The following PPP2R2C variants were observed in gnomAD, a reference collection of about 807,000 sequenced individuals.
PPP2R2C encodes protein phosphatase 2 regulatory subunit Bgamma, also known as protein phosphatase 2, regulatory subunit B, gamma.
Under a neutral mutation model 45.3 loss-of-function variants are expected in PPP2R2C, and 10 were observed. That is an observed-to-expected ratio of 0.22 (90% CI 0.14 to 0.37). PPP2R2C has a LOEUF of 0.37. Ranked by LOEUF, PPP2R2C falls within the 10% of genes least tolerant of loss-of-function variation. The pLI, the probability that PPP2R2C is intolerant of heterozygous loss-of-function variation, is 1.00. For missense variants in PPP2R2C, 308 were observed against 619.7 expected (o/e 0.50, Z 5.34); for synonymous variants, 257 against 245.4 (o/e 1.05, Z -0.44).
chr4:6,374,062 T>A (rs1341858215), intron 4 of PPP2R2C, among the ~76,000 whole-genome samples: 1 of 152,072 alleles, frequency 6.6e-6, no homozygotes, highest in Non-Finnish European at 1.5e-5. Context: ...TCCCTGCACG[T>A]ATTCCTGTGT....
At chr4:6,346,384 AC>A (rs530733346) in intron 6 of PPP2R2C, among the ~76,000 whole-genome samples, 117 of 151,020 alleles carry the variant, frequency 7.7e-4, no homozygotes, top group South Asian at 3.4e-3. Context: ...GGCACCACCC[AC>A]CCCCTCAGGG....
At chr4:6,462,043 A>G (rs2108758526) in intron 1 of PPP2R2C, among the ~76,000 whole-genome samples, 1 of 152,352 alleles carries the variant, frequency 6.6e-6, no homozygotes, top group East Asian at 1.9e-4. Flanking sequence ...CTGGCTGGAC[A>G]ACTTGCCCAA....
At chr4:6,498,281 T>G (rs1722935833) in intron 2 of PPP2R2C, among the ~76,000 whole-genome samples, 1 of 152,190 alleles carries the variant, frequency 6.6e-6, no homozygotes, top group Admixed American at 6.5e-5. Flanking sequence ...CACTAGATGG[T>G]TTAAGCCTAT....
chr4:6,376,571 A>T (rs1715319889), intron 3 of PPP2R2C, among the ~76,000 whole-genome samples: 1 of 151,760 alleles, frequency 6.6e-6, no homozygotes, highest in South Asian at 2.1e-4. Context: ...CTTCAATCTC[A>T]GCCTCCTGAG....
chr4:6,429,173 C>T (rs533146774), intron 1 of PPP2R2C, among the ~76,000 whole-genome samples: 1 of 152,298 alleles, frequency 6.6e-6, no homozygotes, highest in East Asian at 1.9e-4. Flanking sequence ...CAAGTTTTGC[C>T]CATGGGCTGT....
intron 1 of PPP2R2C, among the ~76,000 whole-genome samples, chr4:6,456,462 T>C (rs1220478021): frequency 6.6e-6 from 1 of 152,218 alleles, no homozygotes; most frequent in African/African-American, 2.4e-5. Context: ...ATTATCATGA[T>C]GGATTATATT....
chr4:6,520,549 G>A (rs1330808427), intron 2 of PPP2R2C, among the ~76,000 whole-genome samples: 2 of 152,208 alleles, frequency 1.3e-5, no homozygotes, highest in African/African-American at 4.8e-5. Context: ...CATCCCCAGG[G>A]CACAAAGCAC....
chr4:6,555,986 C>A (rs1036524522), intron 1 of PPP2R2C, among the ~76,000 whole-genome samples: 4 of 152,128 alleles, frequency 2.6e-5, no homozygotes, highest in Non-Finnish European at 5.9e-5. Context: ...TGTGTGTGAG[C>A]CCAAGAGTGA....
chr4:6,511,378 ATGGTGGTGATGGTGATGGTGGTGATGG>A (rs1723459665), intron 2 of PPP2R2C, among the ~76,000 whole-genome samples: 2 of 136,128 alleles, frequency 1.5e-5, no homozygotes, highest in Admixed American at 8.0e-5. Flanking sequence ...GGTGGCGGTG[ATGGTGGTGATGGTGATGGTGGTGATGG>A]TGGTGGTGAC....
chr4:6,332,468 GGAGCGT>G lies in PPP2R2C; in HGVS notation c.960+1088_960+1093del, dbSNP rs1188295279. 6.6e-6 allele frequency among the ~76,000 whole-genome samples: 1 copy of G among 152,180 alleles called. No homozygotes were observed. Among genetic ancestry groups the G allele is most frequent in the Non-Finnish European group, 1.5e-5 (1 of 68,028 alleles). On this transcript the variant is annotated intron_variant, in intron 7 of 8. Transcript: ENST00000382599. This position sits in a 1 kb window ranked among gnomAD's most constrained non-coding sequence, Gnocchi z 4.9. ...GGTCCTTGTGGGTGTGTGGCTTCCA[GGAGCGT>G]GAGCTGTTCCTCTGGGGCCCAGGTC...
chr4:6,370,579 C>G (rs982650383), intron 5 of PPP2R2C, among the ~76,000 whole-genome samples: 2 of 152,174 alleles, frequency 1.3e-5, no homozygotes, highest in African/African-American at 4.8e-5. Flanking sequence ...TGGGACAGTT[C>G]AGAGAGAACT....
chr4:6,507,868 C>T (rs188632276), intron 2 of PPP2R2C, among the ~76,000 whole-genome samples: 1 of 152,350 alleles, frequency 6.6e-6, no homozygotes, highest in East Asian at 1.9e-4. Flanking sequence ...AATTTAATTT[C>T]CTCATCTATG....
chr4:6,336,702 TC>T, intron 6 of PPP2R2C, among the ~76,000 whole-genome samples: 2 of 2,652 alleles, frequency 7.5e-4, no homozygotes, highest in African/African-American at 4.3e-3. Flanking sequence ...CTTCCATCCC[TC>T]CCTCCCTCCC....
chr4:6,453,841 G>A (rs1720873672), intron 1 of PPP2R2C, among the ~76,000 whole-genome samples: 1 of 152,184 alleles, frequency 6.6e-6, no homozygotes, highest in Non-Finnish European at 1.5e-5. Flanking sequence ...GTTGGCTGAT[G>A]TGGGCACCTG....
chr4:6,529,507 A>C (rs1178215045), intron 2 of PPP2R2C, among the ~76,000 whole-genome samples: 1 of 150,160 alleles, frequency 6.7e-6, no homozygotes, highest in Admixed American at 6.6e-5. Flanking sequence ...CAACACCTCC[A>C]GTTTGCAGAT....
At chr4:6,478,399 T>C (rs1722237286) in intron 2 of PPP2R2C, among the ~76,000 whole-genome samples, 1 of 152,248 alleles carries the variant, frequency 6.6e-6, no homozygotes, top group South Asian at 2.1e-4. Flanking sequence ...CTCTTCTGAG[T>C]GCAGCTTCAG....
At chr4:6,556,267 C>A (rs1255679164) in intron 1 of PPP2R2C, among the ~76,000 whole-genome samples, 3 of 152,122 alleles carry the variant, frequency 2.0e-5, no homozygotes, top group African/African-American at 7.2e-5. Flanking sequence ...ATGGGCCTCC[C>A]CCAGTTTGTT....
intron 1 of PPP2R2C, among the ~76,000 whole-genome samples, chr4:6,538,020 C>T (rs929879086): frequency 4.6e-5 from 7 of 151,938 alleles, no homozygotes; most frequent in South Asian, 2.1e-4. Flanking sequence ...GAAAAAGCTC[C>T]GGCGATGGGT....
intron 2 of PPP2R2C, among the ~76,000 whole-genome samples, chr4:6,495,776 C>T (rs1313271859): frequency 6.6e-6 from 1 of 152,216 alleles, no homozygotes; most frequent in South Asian, 2.1e-4. Context: ...CCGAGTTTCT[C>T]CTGCTGGATA....
Sources: allele counts gnomAD v4.1 joint callset (sites outside exome capture counted in the v4.1 genomes callset), GRCh38; gene constraint gnomAD v4.1.1; non-coding constraint Gnocchi (gnomAD v3.1); transcripts MANE v1.5; gene names NCBI Gene and HGNC (gene_info 2026-07-23, HGNC 2026-07-21).